Variants in UBIAD1 observed in about 807,000 individuals in gnomAD.
The protein encoded by UBIAD1 is ubiA prenyltransferase domain-containing protein 1.
UBIAD1 carries 12 observed loss-of-function variants against 20.1 expected under a neutral mutation model. The observed-to-expected ratio is 0.60, with a 90% CI of 0.38 to 0.97. The LOEUF (loss-of-function observed/expected upper bound fraction) is 0.97, where lower values mean the gene tolerates loss of function less well. Among genes scored for constraint, UBIAD1 ranks in the 50% least tolerant of loss-of-function variants. The pLI is 0.00. For synonymous variants in UBIAD1, 207 were observed against 189.2 expected (o/e 1.09, Z -0.77); for missense variants, 333 against 419.5 (o/e 0.79, Z 1.80).
At chr1:11,278,350 G>T (rs1242501553) in intron 1 of UBIAD1, among the ~76,000 whole-genome samples, 1 of 152,080 alleles carries the variant, frequency 6.6e-6, no homozygotes, top group Non-Finnish European at 1.5e-5. Context: ...TTGTAAACCT[G>T]AATTATATTT....
downstream of UBIAD1, among the ~76,000 whole-genome samples, chr1:11,290,281 C>T (rs935465200): frequency 6.6e-6 from 1 of 152,204 alleles, no homozygotes; most frequent in African/African-American, 2.4e-5. Context: ...GAACTCCTGG[C>T]CTCTGTGGGG....
At chr1:11,296,779 C>A (rs1451214694), downstream of UBIAD1, among the ~76,000 whole-genome samples, 1 of 152,242 alleles carries the variant, frequency 6.6e-6, no homozygotes, top group Non-Finnish European at 1.5e-5. Flanking sequence ...CTCAGCCTCC[C>A]AAAGTGCTGG....
chr1:11,284,318 G>A (rs1652336963), intron 1 of UBIAD1, among the ~76,000 whole-genome samples: 1 of 152,140 alleles, frequency 6.6e-6, no homozygotes, highest in African/African-American at 2.4e-5. Context: ...GTGAAGAGGG[G>A]AGGAGAGCTC....
At chr1:11,278,003 G>C (rs1444290074) in intron 1 of UBIAD1, among the ~76,000 whole-genome samples, 1 of 152,020 alleles carries the variant, frequency 6.6e-6, no homozygotes, top group African/African-American at 2.4e-5. Context: ...TGTCACTCAG[G>C]CTAGAGTGCA....
Position 11,285,130 on chromosome 1 carries a change from C to T in UBIAD1, c.530-514C>T, listed in dbSNP as rs78649366. Among the ~76,000 whole-genome samples the T allele has an allele frequency of 2.0e-3, 299 of 152,204 alleles. 9 individuals are homozygous for T. In the East Asian group the frequency reaches 0.045, roughly 23 times the overall value. On this transcript the variant is annotated intron_variant, in intron 1 of 1. Transcript: ENST00000376810. This position sits in a 1 kb window ranked among gnomAD's most constrained non-coding sequence, Gnocchi z 4.4. ...CGCAGGGGTGCAGGTTTAAGGACCC[C>T]GAAATTTCACTGAAATTCACTGGCC...
intron 1 of UBIAD1, 21 bp downstream of exon 1, chr1:11,274,081 T>G: frequency 6.2e-7 from 1 of 1,613,974 alleles, no homozygotes; most frequent in Non-Finnish European, 8.5e-7. Context: ...GCCTGTCCTG[T>G]GTGCTGCAGG....
intron 1 of UBIAD1, among the ~76,000 whole-genome samples, chr1:11,276,948 A>G (rs1428834363): frequency 6.6e-6 from 1 of 152,092 alleles, no homozygotes; most frequent in Non-Finnish European, 1.5e-5. Context: ...AAAAATTAAC[A>G]CATTTGTGCT....
At chr1:11,297,499 G>A (rs1274906411), downstream of UBIAD1, among the ~76,000 whole-genome samples, 2 of 151,762 alleles carry the variant, frequency 1.3e-5, no homozygotes, top group Non-Finnish European at 2.9e-5. Context: ...GTATGGGGGT[G>A]GGGGTGTCCA....
At chr1:11,284,290 G>A (rs537024256) in intron 1 of UBIAD1, among the ~76,000 whole-genome samples, 9 of 152,074 alleles carry the variant, frequency 5.9e-5, no homozygotes, top group African/African-American at 1.4e-4. Context: ...AGGCTCTGAC[G>A]GATTGGAAGA....
Position 11,273,437 on chromosome 1 carries a change from T to G in UBIAD1, c.-95T>G. On this transcript the variant is annotated 5_prime_UTR_variant, in exon 1 of 2. Coordinates refer to ENST00000376810, the MANE Select transcript of UBIAD1 (RefSeq NM_013319.3). This position sits in a 1 kb window ranked among gnomAD's most constrained non-coding sequence, Gnocchi z 4.9. ...GTCCTGGGGCGGAACCGAAGGAAGGTCGGGCCCTGCTGCCCCGCCCCGTCC... is the reference window on the plus strand; with the variant it reads ...GTCCTGGGGCGGAACCGAAGGAAGGGCGGGCCCTGCTGCCCCGCCCCGTCC... 6.7e-7 allele frequency: 1 copy of G among 1,502,764 alleles called. No homozygotes were observed. The highest frequency in any genetic ancestry group is 9.1e-7 in the Non-Finnish European group (1 of 1,095,698). 93.1% of individuals were successfully genotyped at this position (1,502,764 alleles called of 1,614,324 possible).
intron 1 of UBIAD1, among the ~76,000 whole-genome samples, chr1:11,282,737 T>A (rs1488725768): frequency 6.7e-6 from 1 of 150,230 alleles, no homozygotes; most frequent in Non-Finnish European, 1.5e-5. Context: ...TAATTTTTTT[T>A]TGTATTTTTA....
At chr1:11,283,552 T>C (rs1438602305) in intron 1 of UBIAD1, among the ~76,000 whole-genome samples, 1 of 152,024 alleles carries the variant, frequency 6.6e-6, no homozygotes, top group Non-Finnish European at 1.5e-5. Context: ...AAAAAAAATA[T>C]GGCTTGAGGG....
In UBIAD1 at chr1:11,273,546, G is replaced by T; in HGVS notation, c.15G>T (p.Gln5His). Residue 5 changes from glutamine to histidine, a missense_variant, in exon 1 of 2, where the codon CAG (glutamine) becomes CAT (histidine). Transcript: ENST00000376810. The surrounding 1 kb of genome is among the most constrained non-coding windows in gnomAD (Gnocchi z 4.9). ...GTGGAGCTTCCATGGCGGCCTCTCA[G>T]GTCCTGGGGGAGAAGATTAACATCC... MAAS[Q>H]VLGEKINILS... 1 of 1,612,616 alleles carries T rather than the reference G, an allele frequency of 6.2e-7. No homozygotes were observed. The highest frequency in any genetic ancestry group is 8.5e-7 in the Non-Finnish European group (1 of 1,180,030).
rs553776515 is a variant in UBIAD1, at chr1:11,274,195, G to C, written c.529+135G>C. Reference sequence around the variant, plus strand: ...GCTTTAATTGAAGTCTATAATTGTGGGTGATGTGAATTTTTTGAAACAGTG... The same window carrying C: ...GCTTTAATTGAAGTCTATAATTGTGCGTGATGTGAATTTTTTGAAACAGTG... On this transcript the variant is annotated intron_variant, in intron 1 of 1. Coordinates refer to ENST00000376810, the MANE Select transcript of UBIAD1 (RefSeq NM_013319.3). The C allele has an allele frequency of 4.1e-5, 47 of 1,154,874 alleles. No homozygotes were observed. In the African/African-American group the frequency reaches 6.3e-4, roughly 15 times the overall value. The allele number at this position is 1,154,874 out of a possible 1,614,324, so 71.5% of individuals were successfully genotyped here. A position where few individuals can be genotyped will look rare whatever the true frequency, so the allele number is the denominator to read the frequency against.
chr1:11,290,229 A>G (rs1638347005), downstream of UBIAD1, among the ~76,000 whole-genome samples: 1 of 152,176 alleles, frequency 6.6e-6, no homozygotes, highest in African/African-American at 2.4e-5. Context: ...ATTCAATGCC[A>G]GCTACCTCTT....
downstream of UBIAD1, among the ~76,000 whole-genome samples, chr1:11,289,571 A>T (rs1010822693): frequency 2.0e-5 from 3 of 151,740 alleles, no homozygotes; most frequent in Non-Finnish European, 4.4e-5. Context: ...TTATTTATTT[A>T]TTATTTTTTT....
At chr1:11,296,367 C>T (rs751606242), downstream of UBIAD1, among the ~76,000 whole-genome samples, 2 of 152,162 alleles carry the variant, frequency 1.3e-5, no homozygotes, top group Non-Finnish European at 2.9e-5. Context: ...AGACAAGCTA[C>T]ATAACCTCTT....
intron 1 of UBIAD1, among the ~76,000 whole-genome samples, chr1:11,282,769 G>C (rs565060813): frequency 6.6e-6 from 1 of 151,206 alleles, no homozygotes; most frequent in African/African-American, 2.4e-5. Context: ...GTTTCTCCGT[G>C]TTGGTCAGGC....
chr1:11,299,372 C>G (rs1265801461), downstream of UBIAD1, among the ~76,000 whole-genome samples: 1 of 152,188 alleles, frequency 6.6e-6, no homozygotes, highest in East Asian at 1.9e-4. Flanking sequence ...GGTTCAGTGA[C>G]TTGCTCGGGA....
Sources: allele counts gnomAD v4.1 joint callset (sites outside exome capture counted in the v4.1 genomes callset), GRCh38; gene constraint gnomAD v4.1.1; non-coding constraint Gnocchi (gnomAD v3.1); transcripts MANE v1.5; gene names NCBI Gene and HGNC (gene_info 2026-07-23, HGNC 2026-07-21).